The following FAT2 variants were observed in gnomAD, a reference collection of about 807,000 sequenced individuals.
FAT2 encodes the protein protocadherin Fat 2.
A neutral mutation model predicts 295.3 loss-of-function variants in FAT2; 150 were observed. That is an observed-to-expected ratio of 0.51 (90% CI 0.44 to 0.58). The LOEUF is 0.58. Ranked by LOEUF, FAT2 falls within the 20% of genes least tolerant of loss-of-function variation. The pLI is 0.00. For missense variants in FAT2, 4,868 were observed against 5,442.7 expected, an observed-to-expected ratio of 0.89 and a Z score of 3.32; for synonymous variants, 2,026 against 2,150.3, an observed-to-expected ratio of 0.94 and a Z score of 1.60.
intron 9 of FAT2, 59 bp downstream of exon 9, chr5:151,549,236 T>C: frequency 1.3e-6 from 2 of 1,530,168 alleles, no homozygotes; most frequent in Non-Finnish European, 1.8e-6. Context: ...CCTCTAGTGC[T>C]TTCCTTTATT....
intron 1 of FAT2, among the ~76,000 whole-genome samples, chr5:151,578,458 A>G (rs1758825017): frequency 6.6e-6 from 1 of 152,242 alleles, no homozygotes; most frequent in African/African-American, 2.4e-5. Context: ...TATCAAAAAG[A>G]CAAGAGATAA....
rs1232638556 is a variant in FAT2 at position 151,504,713 on chromosome 5, T to G, written c.*852A>C. ...TTTTTAAAATGAAGAATTAGTTCCT[T>G]CCTTCCTTTGGCCAAAAGTGCCTGG... On this transcript the variant is annotated 3_prime_UTR_variant, in exon 24 of 24. Transcript: ENST00000261800. 2 of 152,626 alleles carry G rather than the reference T, an allele frequency of 1.3e-5. No homozygotes were observed. The highest frequency in any genetic ancestry group is 2.4e-5 in the African/African-American group (1 of 41,460). 9.5% of individuals were successfully genotyped at this position (152,626 alleles called of 1,614,324 possible). A position where few individuals can be genotyped will look rare whatever the true frequency, so the allele number is the denominator to read the frequency against.
At chr5:151,555,301 G>A (rs116339636) in intron 4 of FAT2, among the ~76,000 whole-genome samples, 60 of 152,096 alleles carry the variant, frequency 3.9e-4, no homozygotes, top group African/African-American at 1.3e-3. Context: ...CTGAACTGTG[G>A]AGAATGCTTT....
rs2127608985 is a variant in FAT2, at chr5:151,544,076, C to T, written c.7051G>A (p.Ala2351Thr). Residue 2351 changes from alanine to threonine, a missense_variant, in exon 10 of 24, where the codon GCC (alanine) becomes ACC (threonine). By Grantham distance (58) the Ala-to-Thr change is moderately conservative. Around this residue, in one of 5 missense-constraint regions of FAT2, gnomAD observed 3,297 missense variants for 3,669.4 expected, o/e 0.90. Coordinates refer to ENST00000261800, the MANE Select transcript of FAT2 (RefSeq NM_001447.3). ...AQQHFHVKVR[A>T]MDKGDPPLTG... ...AGTGGGGGATCTCCTTTATCCATGG[C>T]CCTGACTTTCACATGAAAGTGTTGT... 6.2e-7 allele frequency: 1 copy of T among 1,614,170 alleles called. No homozygotes were observed. Among genetic ancestry groups the T allele is most frequent in the East Asian group, 2.2e-5 (1 of 44,874 alleles).
chr5:151,579,525 T>G (rs1758864562), intron 1 of FAT2, among the ~76,000 whole-genome samples: 1 of 152,078 alleles, frequency 6.6e-6, no homozygotes, highest in African/African-American at 2.4e-5. Flanking sequence ...TGAACAATGA[T>G]CACACCACTG....
In FAT2 at chr5:151,544,330, T is replaced by C. The variant is rs757078385; in HGVS notation, c.6797A>G (p.Asn2266Ser). The change falls in exon 10 of 24, where the codon AAT (asparagine) becomes AGT (serine). Residue 2266 changes from asparagine to serine, a missense_variant. By Grantham distance (46) the Asn-to-Ser change is conservative (BLOSUM62 1). Around this residue, in one of 5 missense-constraint regions of FAT2, gnomAD observed 3,297 missense variants for 3,669.4 expected, o/e 0.90. Transcript: ENST00000261800. Reference sequence around the variant, plus strand: ...TTGGGAAAAAGTGGGAGGGTTATCATTGACATCCTCCACTAGGACTTCCAC... The same window carrying C: ...TTGGGAAAAAGTGGGAGGGTTATCACTGACATCCTCCACTAGGACTTCCAC... ...ATVEVLVEDV[N>S]DNPPTFSQLV... 3.1e-6 allele frequency: 5 copies of C among 1,614,084 alleles called. No homozygotes were observed. The African/African-American group carries it at 4.0e-5, about 13-fold the overall frequency.
In FAT2 at chr5:151,581,757, A is replaced by G. The variant is rs188796097; in HGVS notation, c.-21+9408T>C. Among the ~76,000 whole-genome samples the G allele has an allele frequency of 4.8e-3, 728 of 152,340 alleles. 3 individuals carry two copies. Among genetic ancestry groups the G allele is most frequent in the Non-Finnish European group, 4.1e-3 (282 of 68,028 alleles). The stretch of plus-strand genomic sequence containing the variant: ...AAAACTCAGATCACCTGTGTGTCCA[A>G]CAGTCCCCCTGGCCCGCTCCCCATG... On this transcript the variant is annotated intron_variant, in intron 1 of 23. Coordinates refer to ENST00000261800, the MANE Select transcript of FAT2 (RefSeq NM_001447.3).
At chr5:151,562,984 T>G (rs936099730) in intron 3 of FAT2, among the ~76,000 whole-genome samples, 1 of 152,278 alleles carries the variant, frequency 6.6e-6, no homozygotes, top group African/African-American at 2.4e-5. Flanking sequence ...GAGGTCTAAC[T>G]AGTCTCAGGT....
At chr5:151,574,881 G>A (rs1325725328) in intron 1 of FAT2, among the ~76,000 whole-genome samples, 1 of 152,210 alleles carries the variant, frequency 6.6e-6, no homozygotes, top group African/African-American at 2.4e-5. Context: ...AGCCATTGAT[G>A]GGTCCTGTGA....
Position 151,535,058 on chromosome 5 carries a change from T to C in FAT2, c.9194-416A>G, listed in dbSNP as rs142778060. Among the ~76,000 whole-genome samples, 122 of 148,734 alleles carry C rather than the reference T, an allele frequency of 8.2e-4. 5 individuals are homozygous for C. The East Asian group carries it at 0.024, about 29-fold the overall frequency. The stretch of plus-strand genomic sequence containing the variant: ...AAAATCTATGTATAAGGATATTCTC[T>C]GCAGCACTGTTTATAATAGCAACTA... On this transcript the variant is annotated intron_variant, in intron 12 of 23. Transcript: ENST00000261800.
chr5:151,519,373 C>T (rs1384522072), intron 19 of FAT2, among the ~76,000 whole-genome samples: 2 of 152,106 alleles, frequency 1.3e-5, no homozygotes, highest in Non-Finnish European at 2.9e-5. Flanking sequence ...CAAACAAGTC[C>T]AAAATTCCCT....
chr5:151,511,643 T>C (rs1761332637), intron 21 of FAT2: 1 of 159,688 alleles, frequency 6.3e-6, no homozygotes, highest in African/African-American at 2.4e-5. Flanking sequence ...TTAGAAGCAA[T>C]TAATGAGAAT....
At chr5:151,549,085 G>A (rs1037142508) in intron 9 of FAT2, among the ~76,000 whole-genome samples, 9 of 152,142 alleles carry the variant, frequency 5.9e-5, no homozygotes, top group Non-Finnish European at 1.2e-4. Context: ...CACAGCATGA[G>A]TGGTCCTTAC....
intron 1 of FAT2, among the ~76,000 whole-genome samples, chr5:151,586,007 C>T (rs1255616211): frequency 6.6e-6 from 1 of 152,146 alleles, no homozygotes; most frequent in Non-Finnish European, 1.5e-5. Flanking sequence ...TCAAGCACCC[C>T]GACTCCAGAG....
Position 151,510,042 on chromosome 5 carries a change from G to C in FAT2, c.12038C>G (p.Pro4013Arg). Residue 4013 changes from proline to arginine, a missense_variant, in exon 22 of 24, where the codon CCT becomes CGT. Physicochemically the swap from Pro to Arg is moderately radical, Grantham distance 103. Coordinates refer to ENST00000261800, the MANE Select transcript of FAT2 (RefSeq NM_001447.3). ...LSPKGASCNC[P>R]HPYTGDRCEM... is the part of the protein sequence containing the mutation. ...TTACCTGTCTCCTGTGTAAGGATGA[G>C]GGCAGTTACAGGAAGCTCCTTTGGG... is the stretch of plus-strand genomic sequence containing the variant. 3 of 1,614,082 alleles carry C rather than the reference G, an allele frequency of 1.9e-6. No homozygotes were observed. Among genetic ancestry groups the C allele is most frequent in the Non-Finnish European group, 2.5e-6 (3 of 1,180,000 alleles).
rs750023243 is a variant in FAT2, at chr5:151,521,422, A to G, written c.11171T>C (p.Met3724Thr). Reference sequence around the variant, plus strand: ...GCAGGTTGGCCCCTGGCAGGGCACCATGGGCATAGCTGACCGCATCTGAAC... The same window carrying G: ...GCAGGTTGGCCCCTGGCAGGGCACCGTGGGCATAGCTGACCGCATCTGAAC... ...VGVQMRSAMP[M>T]VPCQGPTCQG... The change falls in exon 19 of 24, where the codon ATG becomes ACG. Residue 3724 changes from methionine (M) to threonine (T), a missense_variant. Physicochemically the swap from Met to Thr is moderately conservative, Grantham distance 81. Coordinates refer to ENST00000261800, the MANE Select transcript of FAT2 (RefSeq NM_001447.3). 6.2e-6 allele frequency: 10 copies of G among 1,614,098 alleles called. No individual in the cohort carries two copies. In the Admixed American group the frequency reaches 1.0e-4, roughly 16 times the overall value.
At chr5:151,556,137 C>A in intron 4 of FAT2, 1 of 586,578 alleles carries the variant, frequency 1.7e-6, no homozygotes, top group South Asian at 1.9e-5. Flanking sequence ...TGGTGCCTAC[C>A]CAGCCTGGGC....
Position 151,543,097 on chromosome 5 carries a change from A to G in FAT2, c.8030T>C (p.Val2677Ala). ...GPPHWNSLVP[V>A]RLQVVPKKVS... ...TTTTTTAGGAACCACCTGAAGTCGT[A>G]CTGGCACCAGAGAGTTCCAGTGAGG... The change falls in exon 10 of 24, where the codon GTA (valine) becomes GCA (alanine). Residue 2677 changes from valine to alanine, a missense_variant. This residue lies in a region of FAT2 where 3,297 missense variants were observed against 3,669.4 expected (regional missense o/e 0.90). Coordinates refer to ENST00000261800, the MANE Select transcript of FAT2 (RefSeq NM_001447.3). The G allele has an allele frequency of 1.2e-6, 2 of 1,614,196 alleles. No individual in the cohort carries two copies. Among genetic ancestry groups the G allele is most frequent in the Non-Finnish European group, 1.7e-6 (2 of 1,180,040 alleles).
chr5:151,579,804 A>C (rs1359118771), intron 1 of FAT2, among the ~76,000 whole-genome samples: 1 of 152,200 alleles, frequency 6.6e-6, no homozygotes, highest in Non-Finnish European at 1.5e-5. Context: ...AGGTAGAACT[A>C]GATGGTGCCT....
Sources: gnomAD v4.1 joint callset for allele counts (sites outside exome capture counted in the v4.1 genomes callset) on GRCh38, gnomAD v4.1.1 for gene constraint, gnomAD v4.1.1 regional missense constraint, MANE v1.5 for transcripts, NCBI Gene and HGNC (gene_info 2026-07-23, HGNC 2026-07-21) for gene names.